Variants in PRH1 observed in about 807,000 individuals in gnomAD.
PRH1 encodes salivary acidic proline-rich phosphoprotein 1/2.
PRH1 carries 7 observed loss-of-function variants against 7.9 expected under a neutral mutation model. The observed-to-expected ratio is 0.89, with a 90% CI of 0.50 to 1.67. The LOEUF (loss-of-function observed/expected upper bound fraction) is 1.67, where lower values mean the gene tolerates loss of function less well. Ranked by LOEUF, PRH1 falls within the 40% of genes most tolerant of loss-of-function variation. The probability of loss-of-function intolerance (pLI) is 0.00; values close to 1 mark genes in which losing one functional copy is unlikely to be tolerated. For synonymous variants in PRH1, 45 were observed against 80.8 expected, an observed-to-expected ratio of 0.56 and a Z score of 2.38; for missense variants, 109 against 223.6, an observed-to-expected ratio of 0.49 and a Z score of 3.27.
rs1947689754 is a variant in PRH1 at position 11,168,364 on chromosome 12, AAAGAAAAGAAAGAAAGAAAG to A, written n.39+3038_39+3057del. On this transcript the variant is annotated intron_variant and non_coding_transcript_variant, in intron 1 of 1. Coordinates refer to the PRH1 transcript ENST00000541175. Reference sequence around the variant, plus strand: ...GGAAGGGAAAGAAAGGAAAGAAAAGAAAGAAAAGAAAGAAAGAAAGAAAGAAAGAAAGAAAGAAAGAAAGA... The same window carrying A: ...GGAAGGGAAAGAAAGGAAAGAAAAGAAAAGAAAGAAAGAAAGAAAGAAAGA... Among the ~76,000 whole-genome samples, 2 of 87,906 alleles carry A rather than the reference AAAGAAAAGAAAGAAAGAAAG, an allele frequency of 2.3e-5. 1 individual carries two copies. The highest frequency in any genetic ancestry group is 2.5e-4 in the Admixed American group (2 of 8,156). 57.7% of individuals were successfully genotyped at this position (87,906 alleles called of 152,430 possible).
At chr12:11,127,377 A>G (rs1178250327) in intron 1 of PRH1, among the ~76,000 whole-genome samples, 3 of 152,300 alleles carry the variant, frequency 2.0e-5, no homozygotes, top group Non-Finnish European at 2.9e-5. Flanking sequence ...AACCTAATAC[A>G]TAAATCATAC....
intron 1 of PRH1, among the ~76,000 whole-genome samples, chr12:10,883,924 TCTC>T (rs1223357903): frequency 6.6e-6 from 1 of 152,152 alleles, no homozygotes; most frequent in Non-Finnish European, 1.5e-5. Context: ...CAAATCTCAC[TCTC>T]TCACACCCCT....
chr12:10,924,305 TAA>T (rs1353729627), intron 2 of PRH1, among the ~76,000 whole-genome samples: 1 of 152,150 alleles, frequency 6.6e-6, no homozygotes, highest in Non-Finnish European at 1.5e-5. Context: ...CCATCTATTC[TAA>T]GTTTCTATTT....
chr12:11,101,589 TAAG>T (rs780045760), intron 1 of PRH1, among the ~76,000 whole-genome samples: 4 of 152,222 alleles, frequency 2.6e-5, no homozygotes, highest in Non-Finnish European at 5.9e-5. Context: ...ATGATATCTA[TAAG>T]AATATGCTGC....
At chr12:11,010,262 C>G (rs1941007438) in intron 1 of PRH1, among the ~76,000 whole-genome samples, 1 of 151,758 alleles carries the variant, frequency 6.6e-6, no homozygotes, top group African/African-American at 2.4e-5. Context: ...AAATCATGTA[C>G]AATGAAAAAT....
At chr12:11,126,617 G>A (rs1946139651) in intron 1 of PRH1, among the ~76,000 whole-genome samples, 1 of 152,110 alleles carries the variant, frequency 6.6e-6, no homozygotes, top group African/African-American at 2.4e-5. Context: ...GTGCAATAGT[G>A]GGTCTTCAGA....
intron 2 of PRH1, among the ~76,000 whole-genome samples, chr12:10,921,460 A>G (rs1042096522): frequency 8.5e-5 from 13 of 152,278 alleles, no homozygotes; most frequent in African/African-American, 3.1e-4. Context: ...ATTATTTAGA[A>G]CTTTGATTAT....
At chr12:10,975,786 A>G (rs1342894359) in intron 1 of PRH1, among the ~76,000 whole-genome samples, 1 of 152,020 alleles carries the variant, frequency 6.6e-6, no homozygotes, top group African/African-American at 2.4e-5. Context: ...TAATTTCATA[A>G]AAAAAGTCTT....
intron 2 of PRH1, among the ~76,000 whole-genome samples, chr12:10,890,580 C>T (rs1012591913): frequency 1.8e-4 from 27 of 152,176 alleles, no homozygotes; most frequent in Middle Eastern, 3.4e-3. Flanking sequence ...CTATAAAGAA[C>T]GACTGTAGGC....
chr12:11,003,855 T>C (rs1437919804), intron 1 of PRH1, among the ~76,000 whole-genome samples: 2 of 152,098 alleles, frequency 1.3e-5, no homozygotes, highest in African/African-American at 4.8e-5. Context: ...TTTTCATATA[T>C]ATTCTTTGTA....
intron 1 of PRH1, among the ~76,000 whole-genome samples, chr12:11,136,495 G>A (rs1270878381): frequency 6.6e-6 from 1 of 151,822 alleles, no homozygotes; most frequent in Admixed American, 6.6e-5. Context: ...AAATTACAGG[G>A]TCATTGTTCA....
chr12:11,101,134 T>C (rs1244890697), intron 1 of PRH1, among the ~76,000 whole-genome samples: 1 of 152,154 alleles, frequency 6.6e-6, no homozygotes, highest in Non-Finnish European at 1.5e-5. Context: ...AAATTCATAT[T>C]AGCACTAAGA....
At chr12:11,161,246 A>G (rs1235536701) in intron 1 of PRH1, among the ~76,000 whole-genome samples, 1 of 152,226 alleles carries the variant, frequency 6.6e-6, no homozygotes, top group Admixed American at 6.5e-5. Context: ...TTACTCAGAC[A>G]TATCAGTACC....
rs184647925 is a variant in PRH1 at position 10,938,019 on chromosome 12, A to T, written c.-59+35636T>A. On this transcript the variant is annotated intron_variant, in intron 2 of 3. Coordinates refer to the PRH1 transcript ENST00000539853. ...AAATCTCAAAAAAGGTGAATGATTG[A>T]TACAAAATCTATATTATCTGTTTGT... 1.8e-5 allele frequency: 7 copies of T among 389,222 alleles called. No individual in the cohort carries two copies. In the Admixed American group the frequency reaches 2.5e-4, roughly 14 times the overall value. 24.1% of individuals were successfully genotyped at this position (389,222 alleles called of 1,614,324 possible).
chr12:10,889,828 A>G (rs548885104), intron 2 of PRH1, among the ~76,000 whole-genome samples: 237 of 152,090 alleles, frequency 1.6e-3, no homozygotes, highest in African/African-American at 5.5e-3. Flanking sequence ...AAGACATTAT[A>G]TTTTTCATTT....
chr12:10,985,997 G>A (rs1565522668), intron 1 of PRH1: 1 of 1,613,290 alleles, frequency 6.2e-7, no homozygotes, highest in Non-Finnish European at 8.5e-7. Context: ...AAAGAAAGGT[G>A]TGTTTTAGCT....
At chr12:10,898,017 G>A (rs1322852253) in intron 2 of PRH1, among the ~76,000 whole-genome samples, 1 of 152,126 alleles carries the variant, frequency 6.6e-6, no homozygotes, top group Non-Finnish European at 1.5e-5. Context: ...TCAATATTTT[G>A]TCATTTCTAA....
intron 1 of PRH1, among the ~76,000 whole-genome samples, chr12:11,130,626 G>A (rs1041628634): frequency 5.7e-5 from 6 of 105,106 alleles, no homozygotes; most frequent in South Asian, 6.9e-4. Flanking sequence ...GGCATGCATA[G>A]TGGGCATTAT....
At chr12:11,061,942 A>T in intron 1 of PRH1, 2 of 1,614,038 alleles carry the variant, frequency 1.2e-6, no homozygotes, top group Non-Finnish European at 1.7e-6. Flanking sequence ...TAAGTGAAGA[A>T]AAATAAGGTT....
Sources: gnomAD v4.1 joint callset for allele counts (sites outside exome capture counted in the v4.1 genomes callset) on GRCh38, gnomAD v4.1.1 for gene constraint, MANE v1.5 for transcripts, NCBI Gene and HGNC (gene_info 2026-07-23, HGNC 2026-07-21) for gene names.